Variants in LIPK observed in about 807,000 individuals in gnomAD.
The protein encoded by LIPK is lipase member K.
Under a neutral mutation model 48.6 loss-of-function variants are expected in LIPK, and 32 were observed. The observed-to-expected ratio is 0.66, with a 90% CI of 0.50 to 0.88. LIPK has a LOEUF of 0.88. LIPK is among the 40% of genes least tolerant of loss of function. LIPK has a pLI of 0.00. For synonymous variants in LIPK, 164 were observed against 157.4 expected, an observed-to-expected ratio of 1.04 and a Z score of -0.32; for missense variants, 507 against 478.5, an observed-to-expected ratio of 1.06 and a Z score of -0.56.
intron 1 of LIPK, among the ~76,000 whole-genome samples, chr10:88,706,551 C>T (rs1231893589): frequency 6.6e-6 from 1 of 152,096 alleles, no homozygotes; most frequent in South Asian, 2.1e-4. Flanking sequence ...AGAAAGCAGA[C>T]ATCACTATAT....
At chr10:88,730,586 G>A (rs982058017) in intron 3 of LIPK, among the ~76,000 whole-genome samples, 2 of 152,148 alleles carry the variant, frequency 1.3e-5, no homozygotes, top group East Asian at 1.9e-4. Context: ...ACCGCGCCTG[G>A]CAACCAGACA....
rs1371950912 is a variant in LIPK, at chr10:88,737,792, G to A, written c.816+11G>A. On this transcript the variant is annotated intron_variant, in intron 7 of 9. Transcript: ENST00000404190. ...CAAAACTTAAATATGGTAGGTGTAA[G>A]TAATTGGGTCTGGGAAAACATTTGT... The A allele has an allele frequency of 6.2e-7, 1 of 1,613,172 alleles. No homozygotes were observed. Among genetic ancestry groups the A allele is most frequent in the Non-Finnish European group, 8.5e-7 (1 of 1,179,282 alleles).
At chr10:88,736,620 CTTTA>C (rs1425952443) in intron 6 of LIPK, among the ~76,000 whole-genome samples, 1 of 152,090 alleles carries the variant, frequency 6.6e-6, no homozygotes, top group African/African-American at 2.4e-5. Flanking sequence ...CAATAACTTG[CTTTA>C]TTTATCAATC....
chr10:88,722,584 C>T (rs1374952282), intron 1 of LIPK, among the ~76,000 whole-genome samples: 1 of 152,154 alleles, frequency 6.6e-6, no homozygotes, highest in African/African-American at 2.4e-5. Flanking sequence ...GTCTAAGAGT[C>T]TTCAGTGTTT....
At chr10:88,709,522 C>T (rs1019559838) in intron 1 of LIPK, among the ~76,000 whole-genome samples, 6 of 151,806 alleles carry the variant, frequency 4.0e-5, no homozygotes, top group African/African-American at 9.7e-5. Context: ...TGAGAACATG[C>T]GGTGTTTGGA....
At chr10:88,749,609 A>T (rs1298853457) in intron 9 of LIPK, among the ~76,000 whole-genome samples, 1 of 152,176 alleles carries the variant, frequency 6.6e-6, no homozygotes, top group Non-Finnish European at 1.5e-5. Context: ...TACAAAAATT[A>T]ACTCAAGATG....
chr10:88,710,765 G>C (rs1475345613), intron 1 of LIPK, among the ~76,000 whole-genome samples: 1 of 152,118 alleles, frequency 6.6e-6, no homozygotes, highest in Non-Finnish European at 1.5e-5. Flanking sequence ...TTTGCTATTT[G>C]TGAATAAATC....
chr10:88,722,538 T>G (rs1381144081), intron 1 of LIPK, among the ~76,000 whole-genome samples: 5 of 152,226 alleles, frequency 3.3e-5, no homozygotes, highest in Non-Finnish European at 5.9e-5. Flanking sequence ...CTCCTTCAGC[T>G]AGGCGGTGGT....
chr10:88,724,247 C>T (rs1158160395), intron 1 of LIPK, among the ~76,000 whole-genome samples: 1 of 152,074 alleles, frequency 6.6e-6, no homozygotes, highest in East Asian at 1.9e-4. Context: ...TTATCTATTC[C>T]CTCTTTTGTC....
chr10:88,726,300 T>G (rs560358893), intron 2 of LIPK, among the ~76,000 whole-genome samples: 3 of 152,348 alleles, frequency 2.0e-5, no homozygotes, highest in African/African-American at 7.2e-5. Flanking sequence ...TGCCTCTTTA[T>G]GTAACTCCTA....
rs149937911 is a variant in LIPK at position 88,741,517 on chromosome 10, G to A, written c.888+1450G>A. On this transcript the variant is annotated intron_variant, in intron 8 of 9. Transcript: ENST00000404190. ...CTGGGATTACAGGCGTGAGCACTGC[G>A]CATGGCTGCCTGTTCCTTATACATT... 5.5e-4 allele frequency among the ~76,000 whole-genome samples: 83 copies of A among 152,246 alleles called. No homozygotes were observed. The East Asian group carries it at 0.01, about 19-fold the overall frequency.
In LIPK at chr10:88,718,888, G is replaced by C. The variant is rs77696167; in HGVS notation, c.-11-5645G>C. 4.8e-3 allele frequency among the ~76,000 whole-genome samples: 723 copies of C among 152,080 alleles called. 20 individuals are homozygous for C. The East Asian group carries it at 0.076, about 16-fold the overall frequency. On this transcript the variant is annotated intron_variant, in intron 1 of 9. Transcript: ENST00000404190. Reference sequence around the variant, plus strand: ...AATTAATAAGTAAACAGAAATTCTTGGCTGCTCTTATTCTATTTGAGAAGT... The same window carrying C: ...AATTAATAAGTAAACAGAAATTCTTCGCTGCTCTTATTCTATTTGAGAAGT...
intron 9 of LIPK, among the ~76,000 whole-genome samples, chr10:88,748,102 A>C (rs941667548): frequency 1.3e-5 from 2 of 152,180 alleles, no homozygotes; most frequent in African/African-American, 2.4e-5. Flanking sequence ...CAATGAGATA[A>C]TGTACTTTGC....
At chr10:88,734,339 G>T (rs1842527042) in intron 6 of LIPK, among the ~76,000 whole-genome samples, 1 of 152,134 alleles carries the variant, frequency 6.6e-6, no homozygotes, top group Admixed American at 6.6e-5. Flanking sequence ...AGAGAAACAT[G>T]AGCAACATTG....
chr10:88,730,279 C>CT (rs368526207), intron 3 of LIPK, among the ~76,000 whole-genome samples: 76 of 151,830 alleles, frequency 5.0e-4, no homozygotes, highest in African/African-American at 1.5e-3. Flanking sequence ...TGCCAGACAG[C>CT]TTTTTTTTGT....
chr10:88,726,171 A>T (rs1482474575), intron 2 of LIPK, among the ~76,000 whole-genome samples: 1 of 152,256 alleles, frequency 6.6e-6, no homozygotes, highest in East Asian at 1.9e-4. Flanking sequence ...CCCTCATTAG[A>T]TGACCATATA....
At chr10:88,718,989 G>A (rs941337230) in intron 1 of LIPK, among the ~76,000 whole-genome samples, 1 of 152,122 alleles carries the variant, frequency 6.6e-6, no homozygotes, top group Non-Finnish European at 1.5e-5. Context: ...AGCAAAACTA[G>A]AGACACAGAA....
intron 1 of LIPK, among the ~76,000 whole-genome samples, chr10:88,721,539 G>T (rs767022467): frequency 3.3e-5 from 5 of 152,182 alleles, no homozygotes; most frequent in East Asian, 1.9e-4. Context: ...GCAGCTGATG[G>T]GCTGTATGTC....
Position 88,738,284 on chromosome 10 carries a change from T to G in LIPK, c.816+503T>G, listed in dbSNP as rs560717567. Among the ~76,000 whole-genome samples the G allele has an allele frequency of 2.0e-5, 3 of 152,280 alleles. No individual in the cohort carries two copies. In the East Asian group the frequency reaches 5.8e-4, roughly 29 times the overall value. On this transcript the variant is annotated intron_variant, in intron 7 of 9. Coordinates refer to ENST00000404190, the MANE Select transcript of LIPK (RefSeq NM_001080518.2). ...CGAGAGGGATCAGTGTCAGGGTTCT[T>G]GTCAAGTAATTTCTAATTTAACTGA...
Sources: gnomAD v4.1 joint callset for allele counts (sites outside exome capture counted in the v4.1 genomes callset) on GRCh38, gnomAD v4.1.1 for gene constraint, MANE v1.5 for transcripts, NCBI Gene and HGNC (gene_info 2026-07-23, HGNC 2026-07-21) for gene names.